Variants in RNF144A observed in about 807,000 individuals in gnomAD.
RNF144A encodes ring finger protein 144A.
Under a neutral mutation model 38.7 loss-of-function variants are expected in RNF144A, and 11 were observed. The ratio of observed to expected loss-of-function variants is 0.28; its 90% CI spans 0.18 to 0.47. The LOEUF (loss-of-function observed/expected upper bound fraction) is 0.47. Among genes scored for constraint, RNF144A ranks in the 20% least tolerant of loss-of-function variants. The pLI is 0.99. For synonymous variants in RNF144A, 149 were observed against 143.9 expected, an observed-to-expected ratio of 1.04 and a Z score of -0.25; for missense variants, 316 against 377.2, an observed-to-expected ratio of 0.84 and a Z score of 1.34.
At chr2:7,069,627 T>C (rs1031990376), downstream of RNF144A, among the ~76,000 whole-genome samples, 1 of 152,234 alleles carries the variant, frequency 6.6e-6, no homozygotes, top group African/African-American at 2.4e-5. Context: ...AATACAACAC[T>C]TTTTAATGAA....
rs569854603 is a variant in RNF144A at position 6,967,160 on chromosome 2, C to T, written c.-12+26013C>T. Among the ~76,000 whole-genome samples, 146 of 152,246 alleles carry T rather than the reference C, an allele frequency of 9.6e-4. No individual in the cohort carries two copies. In the Middle Eastern group the frequency reaches 0.01, roughly 11 times the overall value. Reference sequence around the variant, plus strand: ...TCTCCAGTTTCCCATGGTCACCCGCCGAGTCAAGGTTCTTATCAGTTCGTA... The same window carrying T: ...TCTCCAGTTTCCCATGGTCACCCGCTGAGTCAAGGTTCTTATCAGTTCGTA... On this transcript the variant is annotated intron_variant, in intron 2 of 8. Coordinates refer to ENST00000320892, the MANE Select transcript of RNF144A (RefSeq NM_014746.6).
chr2:6,999,178 T>C (rs1669946150), intron 3 of RNF144A, among the ~76,000 whole-genome samples: 1 of 152,206 alleles, frequency 6.6e-6, no homozygotes, highest in Non-Finnish European at 1.5e-5. Flanking sequence ...AAAAAAACAG[T>C]GACACTGTGG....
chr2:6,995,988 G>A (rs1669712630), intron 2 of RNF144A, among the ~76,000 whole-genome samples: 1 of 152,202 alleles, frequency 6.6e-6, no homozygotes, highest in Admixed American at 6.5e-5. Flanking sequence ...CCCCTCATGT[G>A]GATGAGCCAG....
chr2:6,959,808 A>G (rs1044031788), intron 2 of RNF144A, among the ~76,000 whole-genome samples: 1 of 152,116 alleles, frequency 6.6e-6, no homozygotes, highest in African/African-American at 2.4e-5. Context: ...ATACTGTTTC[A>G]TTGAGGATTA....
At chr2:7,075,498 TTAGAAA>T in the RNF144A span, among the ~76,000 whole-genome samples, 47 of 152,302 alleles carry the variant, frequency 3.1e-4, no homozygotes, top group African/African-American at 1.1e-3. Flanking sequence ...AAAGAGGCAA[TTAGAAA>T]TAGATAAGGT....
chr2:6,973,065 G>T (rs1203515575), intron 2 of RNF144A, among the ~76,000 whole-genome samples: 1 of 152,200 alleles, frequency 6.6e-6, no homozygotes, highest in Non-Finnish European at 1.5e-5. Context: ...TCTATGAAAT[G>T]GGGATGAATA....
chr2:6,928,326 C>G (rs898620675), intron 1 of RNF144A, among the ~76,000 whole-genome samples: 1 of 152,228 alleles, frequency 6.6e-6, no homozygotes, highest in Non-Finnish European at 1.5e-5. Context: ...TTCATTGCCG[C>G]AGGCCCCCTT....
At chr2:6,933,426 G>T (rs1665336061) in intron 1 of RNF144A, among the ~76,000 whole-genome samples, 2 of 152,210 alleles carry the variant, frequency 1.3e-5, no homozygotes, top group Admixed American at 1.3e-4. Flanking sequence ...GCAATGCAAA[G>T]AAATGCTGTC....
At chr2:7,016,154 TAAAAA>T (rs1055774947) in intron 5 of RNF144A, among the ~76,000 whole-genome samples, 2 of 150,142 alleles carry the variant, frequency 1.3e-5, no homozygotes, top group East Asian at 3.9e-4. Context: ...GTAGCCCACT[TAAAAA>T]AAAACTCAAA....
At chr2:6,935,886 C>T (rs947328395) in intron 1 of RNF144A, among the ~76,000 whole-genome samples, 9 of 152,252 alleles carry the variant, frequency 5.9e-5, no homozygotes, top group Non-Finnish European at 1.2e-4. Flanking sequence ...CAGTGCTGCT[C>T]AAACGACTGT....
At chr2:6,936,551 A>G (rs887327682) in intron 1 of RNF144A, among the ~76,000 whole-genome samples, 1 of 152,328 alleles carries the variant, frequency 6.6e-6, no homozygotes, top group African/African-American at 2.4e-5. Context: ...GTCATCTTAC[A>G]TAATCTTAAA....
rs140138452 is a variant in RNF144A at position 6,983,977 on chromosome 2, C to T, written c.-11-12939C>T. On this transcript the variant is annotated intron_variant, in intron 2 of 8. Coordinates refer to ENST00000320892, the MANE Select transcript of RNF144A (RefSeq NM_014746.6). ...CCAGAATGTGACTACTTGCCATCAG[C>T]CCTATTTGTCATTGGGCCATGTTGG... Among the ~76,000 whole-genome samples the T allele has an allele frequency of 6.8e-3, 1,031 of 152,316 alleles. 6 individuals carry two copies. Among genetic ancestry groups the T allele is most frequent in the African/African-American group, 0.023 (950 of 41,556 alleles).
In RNF144A at chr2:7,014,796, G is replaced by A. The variant is rs1015287480; in HGVS notation, c.301+24G>A. ...AGGTAGGTGCCTGGTATATCTGCCGGTTATGATTCCTGTAATGTGTGAATG... is the reference window on the plus strand; with the variant it reads ...AGGTAGGTGCCTGGTATATCTGCCGATTATGATTCCTGTAATGTGTGAATG... On this transcript the variant is annotated intron_variant, in intron 5 of 8. Coordinates refer to ENST00000320892, the MANE Select transcript of RNF144A (RefSeq NM_014746.6). 4.5e-6 allele frequency: 7 copies of A among 1,539,556 alleles called. 1 individual carries two copies. The highest frequency in any genetic ancestry group is 6.3e-6 in the Non-Finnish European group (7 of 1,114,240).
chr2:6,931,337 G>A (rs758650206), intron 1 of RNF144A, among the ~76,000 whole-genome samples: 66 of 152,338 alleles, frequency 4.3e-4, no homozygotes, highest in South Asian at 1.0e-3. Flanking sequence ...AATCCTCTGA[G>A]GATTAAAGAA....
intron 6 of RNF144A, 145 bp downstream of exon 6, chr2:7,020,825 C>A (rs1401921987): frequency 1.5e-6 from 1 of 668,024 alleles, no homozygotes. Context: ...GAGCCTCACT[C>A]AAGCCTGTCA....
In RNF144A at chr2:6,943,504, G is replaced by A. The variant is rs1419849674; in HGVS notation, c.-12+2357G>A. Among the ~76,000 whole-genome samples, 3 of 152,194 alleles carry A rather than the reference G, an allele frequency of 2.0e-5. No individual in the cohort carries two copies. Among genetic ancestry groups the A allele is most frequent in the African/African-American group, 7.2e-5 (3 of 41,454 alleles). On this transcript the variant is annotated intron_variant, in intron 2 of 8. Transcript: ENST00000320892. The surrounding 1 kb of genome is among the most constrained non-coding windows in gnomAD (Gnocchi z 4.3). ...TCTGGTGGGGTAAATAAGCTTAGGA[G>A]AATTATTTTTCAGTTGGAAGCATTA... is the stretch of plus-strand genomic sequence containing the variant.
chr2:6,941,368 T>G lies in RNF144A; in HGVS notation c.-12+221T>G, dbSNP rs529544155. 1.3e-5 allele frequency among the ~76,000 whole-genome samples: 2 copies of G among 152,386 alleles called. No homozygotes were observed. The highest frequency in any genetic ancestry group is 4.1e-4 in the South Asian group (2 of 4,830). Reference sequence around the variant, plus strand: ...TATGCCATCATAGTTGTTTATACTTTGGAAAGATTTCCAGGTTTATTCATT... The same window carrying G: ...TATGCCATCATAGTTGTTTATACTTGGGAAAGATTTCCAGGTTTATTCATT... On this transcript the variant is annotated intron_variant, in intron 2 of 8. Transcript: ENST00000320892. The surrounding 1 kb of genome is among the most constrained non-coding windows in gnomAD (Gnocchi z 6.5).
chr2:6,939,076 T>A (rs192151693), intron 1 of RNF144A, among the ~76,000 whole-genome samples: 1 of 152,328 alleles, frequency 6.6e-6, no homozygotes, highest in East Asian at 1.9e-4. Flanking sequence ...GAGATATATT[T>A]TCATTTATGT....
intron 5 of RNF144A, 135 bp from the exon 6 acceptor site, chr2:7,020,338 G>T: frequency 1.4e-6 from 1 of 727,762 alleles, no homozygotes; most frequent in Non-Finnish European, 2.3e-6. Flanking sequence ...GCGGTGCTTC[G>T]GTTGGGGCTG....
Sources: allele counts gnomAD v4.1 joint callset (sites outside exome capture counted in the v4.1 genomes callset), GRCh38; gene constraint gnomAD v4.1.1; non-coding constraint Gnocchi (gnomAD v3.1); transcripts MANE v1.5; gene names NCBI Gene and HGNC (gene_info 2026-07-23, HGNC 2026-07-21).